PPP1R16B: variants seen among roughly 807,000 people sequenced by gnomAD.
The protein encoded by PPP1R16B is protein phosphatase 1 regulatory inhibitor subunit 16B.
A neutral mutation model predicts 61.7 loss-of-function variants in PPP1R16B; 14 were observed. The observed-to-expected ratio is 0.23, with a 90% CI of 0.15 to 0.35. PPP1R16B has a LOEUF of 0.35. Among genes scored for constraint, PPP1R16B ranks in the 10% least tolerant of loss-of-function variants. PPP1R16B has a pLI of 1.00. For missense variants in PPP1R16B, 547 were observed against 752.5 expected (o/e 0.73, Z 3.19); for synonymous variants, 266 against 305.3 (o/e 0.87, Z 1.34).
intron 2 of PPP1R16B, among the ~76,000 whole-genome samples, chr20:38,864,064 T>C (rs2085074044): frequency 1.3e-5 from 2 of 152,162 alleles, no homozygotes; most frequent in East Asian, 3.8e-4. Flanking sequence ...GAAAACACTA[T>C]GTTAAGTGAA....
chr20:38,828,447 GC>G (rs1382487791), intron 1 of PPP1R16B, among the ~76,000 whole-genome samples: 2 of 152,196 alleles, frequency 1.3e-5, no homozygotes, highest in Admixed American at 6.5e-5. Context: ...CTCTTAAGGT[GC>G]TTTTGGCCAC....
At chr20:38,849,678 ACAACAAC>A (rs1568661463) in intron 2 of PPP1R16B, among the ~76,000 whole-genome samples, 2 of 67,638 alleles carry the variant, frequency 3.0e-5, no homozygotes, top group African/African-American at 8.7e-5. Flanking sequence ...AACAACAACA[ACAACAAC>A]AAAAAAAAAA....
At chr20:38,872,306 T>C (rs2085135693) in intron 2 of PPP1R16B, among the ~76,000 whole-genome samples, 1 of 152,184 alleles carries the variant, frequency 6.6e-6, no homozygotes, top group Admixed American at 6.5e-5. Context: ...GGGAAGCAGA[T>C]TGCAAGCTCT....
At chr20:38,811,917 G>C (rs568602619) in intron 1 of PPP1R16B, among the ~76,000 whole-genome samples, 2 of 152,208 alleles carry the variant, frequency 1.3e-5, no homozygotes, top group Non-Finnish European at 2.9e-5. Flanking sequence ...CCGTGACTGT[G>C]TCCAATTCAT....
At chr20:38,913,781 C>T (rs1416491226) in intron 10 of PPP1R16B, among the ~76,000 whole-genome samples, 2 of 152,108 alleles carry the variant, frequency 1.3e-5, no homozygotes, top group Non-Finnish European at 2.9e-5. Context: ...TGGTGGTCAG[C>T]CCATTTCCAG....
chr20:38,828,353 T>C (rs1460657059), intron 1 of PPP1R16B, among the ~76,000 whole-genome samples: 1 of 152,152 alleles, frequency 6.6e-6, no homozygotes, highest in Non-Finnish European at 1.5e-5. Context: ...GTAATATGCC[T>C]CAGCAAGAGG....
intron 2 of PPP1R16B, among the ~76,000 whole-genome samples, chr20:38,859,651 C>T (rs1176009592): frequency 2.0e-5 from 3 of 152,128 alleles, no homozygotes; most frequent in Non-Finnish European, 4.4e-5. Context: ...GCCACCACAC[C>T]TGGCTGATTT....
At chr20:38,849,009 G>GT (rs2084951530) in intron 2 of PPP1R16B, among the ~76,000 whole-genome samples, 1 of 152,156 alleles carries the variant, frequency 6.6e-6, no homozygotes, top group African/African-American at 2.4e-5. Flanking sequence ...AAAGTGATAT[G>GT]TTTATCATAC....
At position 38,885,213 on chromosome 20, in the gene PPP1R16B, A is replaced by AAAG. The variant is rs369441901; in HGVS notation, c.251-4367_251-4365dup. 2.2e-3 allele frequency among the ~76,000 whole-genome samples: 332 copies of AAAG among 151,936 alleles called. 3 individuals are homozygous for AAAG. The highest frequency in any genetic ancestry group is 7.8e-3 in the African/African-American group (322 of 41,454). On this transcript the variant is annotated intron_variant, in intron 2 of 10. Coordinates refer to ENST00000299824, the MANE Select transcript of PPP1R16B (RefSeq NM_015568.4). ...CTATATTAAAAAAATAATAATAATA[A>AAAG]AAGAAGAAGAAGAAGAAAAGAGCAG...
intron 5 of PPP1R16B, 67 bp downstream of exon 5, chr20:38,900,751 A>C: frequency 2.4e-6 from 3 of 1,243,962 alleles, no homozygotes; most frequent in East Asian, 2.7e-5. Context: ...CCTTAAATCA[A>C]TGCAGGCGAA....
At chr20:38,848,813 G>A (rs1459301871) in intron 2 of PPP1R16B, among the ~76,000 whole-genome samples, 1 of 152,188 alleles carries the variant, frequency 6.6e-6, no homozygotes, top group Non-Finnish European at 1.5e-5. Flanking sequence ...CTATTGGAGG[G>A]TGGATTGTGG....
Position 38,884,430 on chromosome 20 carries a change from T to C in PPP1R16B, c.251-5165T>C, listed in dbSNP as rs1295230617. Among the ~76,000 whole-genome samples, 7 of 152,220 alleles carry C rather than the reference T, an allele frequency of 4.6e-5. No homozygotes were observed. In the East Asian group the frequency reaches 1.3e-3, roughly 29 times the overall value. On this transcript the variant is annotated intron_variant, in intron 2 of 10. Coordinates refer to ENST00000299824, the MANE Select transcript of PPP1R16B (RefSeq NM_015568.4). Reference sequence around the variant, plus strand: ...GCAAAGGGCCAGATAGTAAATATCGTAGGCCACGTGAGCCATACAGTCTCT... The same window carrying C: ...GCAAAGGGCCAGATAGTAAATATCGCAGGCCACGTGAGCCATACAGTCTCT...
In PPP1R16B at chr20:38,889,587, T is replaced by C; in HGVS notation, c.251-8T>C. 1.3e-6 allele frequency: 2 copies of C among 1,570,186 alleles called. No homozygotes were observed. The highest frequency in any genetic ancestry group is 1.1e-5 in the South Asian group (1 of 90,168). On this transcript the variant is annotated splice_region_variant and splice_polypyrimidine_tract_variant and intron_variant, in intron 2 of 10. Coordinates refer to ENST00000299824, the MANE Select transcript of PPP1R16B (RefSeq NM_015568.4). Reference sequence around the variant, plus strand: ...CGGGAAGCTCACTCCTGTACCCTCCTATTGCAGTACGCTACTTCCTGAAGA... The same window carrying C: ...CGGGAAGCTCACTCCTGTACCCTCCCATTGCAGTACGCTACTTCCTGAAGA...
intron 10 of PPP1R16B, among the ~76,000 whole-genome samples, chr20:38,913,930 G>A (rs1404514566): frequency 1.3e-5 from 2 of 152,162 alleles, no homozygotes; most frequent in Non-Finnish European, 2.9e-5. Flanking sequence ...AGTGGCTCAC[G>A]CCTGTAATCC....
rs374416011 is a variant in PPP1R16B at position 38,906,887 on chromosome 20, T to A, written c.823-92T>A. Reference sequence around the variant, plus strand: ...CAACTTTGTCCCACCATTCTTTGGGTCACATCCTAAGAGGCCTTGGGCACT... The same window carrying A: ...CAACTTTGTCCCACCATTCTTTGGGACACATCCTAAGAGGCCTTGGGCACT... On this transcript the variant is annotated intron_variant, in intron 7 of 10. Transcript: ENST00000299824. 95 of 1,045,594 alleles carry A rather than the reference T, an allele frequency of 9.1e-5. 1 individual carries two copies. In the South Asian group the frequency reaches 1.2e-3, roughly 14 times the overall value. 64.8% of individuals were successfully genotyped at this position (1,045,594 alleles called of 1,614,324 possible). A position where few individuals can be genotyped will look rare whatever the true frequency, so the allele number is the denominator to read the frequency against.
intron 1 of PPP1R16B, among the ~76,000 whole-genome samples, chr20:38,825,905 T>C (rs1402175210): frequency 6.6e-6 from 1 of 152,212 alleles, no homozygotes; most frequent in African/African-American, 2.4e-5. Context: ...CATGGCAGGC[T>C]TTGCTAATTG....
chr20:38,852,188 A>T (rs2145730141), intron 2 of PPP1R16B, among the ~76,000 whole-genome samples: 1 of 152,318 alleles, frequency 6.6e-6, no homozygotes, highest in Non-Finnish European at 1.5e-5. Context: ...TGCTAAGGAC[A>T]ATCTGATTAT....
chr20:38,858,237 G>T (rs983390818), intron 2 of PPP1R16B, among the ~76,000 whole-genome samples: 2 of 152,120 alleles, frequency 1.3e-5, no homozygotes, highest in Non-Finnish European at 2.9e-5. Flanking sequence ...GGGGAACACA[G>T]TGTAGTCTAT....
At chr20:38,896,050 C>T (rs1300684002) in intron 4 of PPP1R16B, among the ~76,000 whole-genome samples, 6 of 132,296 alleles carry the variant, frequency 4.5e-5, no homozygotes, top group African/African-American at 2.0e-4. Flanking sequence ...TTCTTTTCTC[C>T]CTTCCTCCCT....
Sources: gnomAD v4.1 joint callset for allele counts (sites outside exome capture counted in the v4.1 genomes callset) on GRCh38, gnomAD v4.1.1 for gene constraint, MANE v1.5 for transcripts, NCBI Gene and HGNC (gene_info 2026-07-23, HGNC 2026-07-21) for gene names.